Variants in ATXN2 observed in about 807,000 individuals in gnomAD.
ATXN2 encodes the protein ataxin 2.
In ATXN2, 37 loss-of-function variants were observed where a neutral mutation model predicts 138.6. The observed-to-expected ratio is 0.27, with a 90% confidence interval of 0.21 to 0.35. The LOEUF is 0.35. Ranked by LOEUF, ATXN2 falls within the 10% of genes least tolerant of loss-of-function variation. ATXN2 has a pLI of 1.00. For synonymous variants in ATXN2, 549 were observed against 543.7 expected, an observed-to-expected ratio of 1.01 and a Z score of -0.13; for missense variants, 1,216 against 1,480.3, an observed-to-expected ratio of 0.82 and a Z score of 2.93.
rs549752036 is a variant in ATXN2, at chr12:111,517,685, A to G, written c.1165+564T>C. On this transcript the variant is annotated intron_variant, in intron 9 of 24. Coordinates refer to ENST00000673436, the MANE Select transcript of ATXN2 (RefSeq NM_001372574.1). ...CTTTTACTTAAGTTGCTAAACTGTA[A>G]CATCCACCCTTAGACTAAGGGTTGT... Among the ~76,000 whole-genome samples the G allele has an allele frequency of 2.0e-5, 3 of 152,292 alleles. No individual in the cohort carries two copies. The South Asian group carries it at 6.2e-4, about 32-fold the overall frequency.
At chr12:111,553,777 T>C (rs1291762765) in intron 3 of ATXN2, among the ~76,000 whole-genome samples, 1 of 151,660 alleles carries the variant, frequency 6.6e-6, no homozygotes, top group East Asian at 1.9e-4. Flanking sequence ...GTTTTTTTAC[T>C]TTTTGTAGAG....
intron 1 of ATXN2, among the ~76,000 whole-genome samples, chr12:111,584,316 A>C (rs759351270): frequency 7.7e-6 from 1 of 130,446 alleles, no homozygotes; most frequent in Non-Finnish European, 1.6e-5. Flanking sequence ...CAGGAAACAG[A>C]GGTTGCAGTG....
intron 5 of ATXN2, among the ~76,000 whole-genome samples, chr12:111,538,428 C>T (rs1211317895): frequency 6.6e-6 from 1 of 151,906 alleles, no homozygotes; most frequent in African/African-American, 2.4e-5. Context: ...TGGCTCACTG[C>T]AGCCTCAATC....
chr12:111,503,366 C>T (rs1466705243), intron 14 of ATXN2, among the ~76,000 whole-genome samples: 1 of 152,200 alleles, frequency 6.6e-6, no homozygotes. Flanking sequence ...TACTTAACTT[C>T]TCTTTGCCCA....
At chr12:111,563,094 C>A (rs1001540299) in intron 1 of ATXN2, among the ~76,000 whole-genome samples, 3 of 152,080 alleles carry the variant, frequency 2.0e-5, no homozygotes, top group African/African-American at 4.8e-5. Context: ...TGAATCTAAT[C>A]ATAAGGAAAC....
chr12:111,539,877 A>T (rs1881404379), intron 5 of ATXN2, among the ~76,000 whole-genome samples: 1 of 150,616 alleles, frequency 6.6e-6, no homozygotes, highest in African/African-American at 2.4e-5. Context: ...AAATGCCAAT[A>T]CTATTAGTGA....
chr12:111,518,371 C>G lies in ATXN2; in HGVS notation c.1043G>C (p.Ser348Thr). 1 of 1,613,408 alleles carries G rather than the reference C, an allele frequency of 6.2e-7. No individual in the cohort carries two copies. Among genetic ancestry groups the G allele is most frequent in the Non-Finnish European group, 8.5e-7 (1 of 1,179,476 alleles). ...CATACGCGGTGAATTCTGTCTCCCA[C>G]TTCCCCAGGATATGACTTCTCTATT... Reference protein sequence around the residue: ...QRNREVISWGSGRQNSPRMGQ... With the variant: ...QRNREVISWGTGRQNSPRMGQ... Residue 348 changes from serine (S) to threonine (T), a missense_variant, in exon 9 of 25, where the codon AGT becomes ACT. Ser to Thr is a moderately conservative substitution (Grantham distance 58, BLOSUM62 1). Coordinates refer to ENST00000673436, the MANE Select transcript of ATXN2 (RefSeq NM_001372574.1).
chr12:111,486,461 G>A (rs1420890238), intron 16 of ATXN2, among the ~76,000 whole-genome samples: 1 of 152,160 alleles, frequency 6.6e-6, no homozygotes, highest in Non-Finnish European at 1.5e-5. Flanking sequence ...ATCCAGTGAT[G>A]CAAAACCCTC....
chr12:111,483,501 C>G (rs990528860), intron 18 of ATXN2, among the ~76,000 whole-genome samples: 1 of 136,154 alleles, frequency 7.3e-6, no homozygotes, highest in African/African-American at 2.8e-5. Context: ...GTCACCCAGG[C>G]ACGCACCACC....
intron 1 of ATXN2, among the ~76,000 whole-genome samples, chr12:111,574,780 G>C (rs1439069493): frequency 6.6e-6 from 1 of 152,088 alleles, no homozygotes; most frequent in African/African-American, 2.4e-5. Flanking sequence ...CCTTCACCCA[G>C]AGAAGCTAGT....
rs770548944 is a variant in ATXN2 at position 111,520,075 on chromosome 12, C to T, written c.790G>A (p.Val264Met). The T allele has an allele frequency of 1.2e-6, 2 of 1,613,306 alleles. No homozygotes were observed. The highest frequency in any genetic ancestry group is 1.3e-5 in the African/African-American group (1 of 74,902). The change falls in exon 8 of 25, where the codon GTG becomes ATG. Residue 264 changes from valine to methionine, a missense_variant and splice_region_variant. Coordinates refer to ENST00000673436, the MANE Select transcript of ATXN2 (RefSeq NM_001372574.1). ...TCTGAGTTATCTCTTTCTAAGGGCACTCTGAAACATGAGGAAAAGAAAAGC... is the reference window on the plus strand; with the variant it reads ...TCTGAGTTATCTCTTTCTAAGGGCATTCTGAAACATGAGGAAAAGAAAAGC... ...TYDSSLSSYT[V>M]PLERDNSEEF...
At chr12:111,514,643 G>A (rs1879754707) in intron 10 of ATXN2, among the ~76,000 whole-genome samples, 1 of 152,036 alleles carries the variant, frequency 6.6e-6, no homozygotes, top group Non-Finnish European at 1.5e-5. Flanking sequence ...TCCTGCCTCA[G>A]CCTCCCAAGT....
At chr12:111,461,785 T>C (rs933891168) in intron 21 of ATXN2, among the ~76,000 whole-genome samples, 1 of 151,794 alleles carries the variant, frequency 6.6e-6, no homozygotes, top group Non-Finnish European at 1.5e-5. Flanking sequence ...TAGCTGGGTG[T>C]GGCAGCAGGC....
chr12:111,589,866 C>A (rs547757550), intron 1 of ATXN2, among the ~76,000 whole-genome samples: 137 of 151,824 alleles, frequency 9.0e-4, no homozygotes, highest in Non-Finnish European at 1.6e-3. Context: ...TTGCAATGAG[C>A]CATGATGGCA....
At chr12:111,480,594 G>T (rs1423095828) in intron 18 of ATXN2, among the ~76,000 whole-genome samples, 1 of 152,238 alleles carries the variant, frequency 6.6e-6, no homozygotes, top group East Asian at 1.9e-4. Flanking sequence ...GGAATCGCTT[G>T]AATCTGAGAG....
intron 18 of ATXN2, among the ~76,000 whole-genome samples, chr12:111,475,040 T>C (rs1228938682): frequency 6.6e-6 from 1 of 151,992 alleles, no homozygotes; most frequent in East Asian, 1.9e-4. Flanking sequence ...GGTGAAACCC[T>C]GTCTCTACTA....
At chr12:111,580,592 A>G (rs936895286) in intron 1 of ATXN2, among the ~76,000 whole-genome samples, 1 of 140,166 alleles carries the variant, frequency 7.1e-6, no homozygotes, top group Non-Finnish European at 1.5e-5. Context: ...ATCTGGGCTC[A>G]GGAGTTCAAG....
chr12:111,495,474 CAA>C (rs1409869383), intron 14 of ATXN2, among the ~76,000 whole-genome samples: 3 of 151,936 alleles, frequency 2.0e-5, no homozygotes, highest in East Asian at 1.9e-4. Context: ...GATTTTGAGA[CAA>C]AGTCTATAAA....
chr12:111,508,638 G>C (rs773789836), intron 14 of ATXN2, among the ~76,000 whole-genome samples: 4 of 151,390 alleles, frequency 2.6e-5, no homozygotes, highest in African/African-American at 4.9e-5. Context: ...GTCAAGACAG[G>C]GTTTCACCAT....
Sources: allele counts gnomAD v4.1 joint callset (sites outside exome capture counted in the v4.1 genomes callset), GRCh38; gene constraint gnomAD v4.1.1; transcripts MANE v1.5; gene names NCBI Gene and HGNC (gene_info 2026-07-23, HGNC 2026-07-21).